ZFX: variants seen among roughly 807,000 people sequenced by gnomAD.
ZFX encodes the protein zinc finger protein X-linked, also known as zinc finger X-chromosomal protein.
For missense variants in ZFX, 362 were observed against 628.3 expected, an observed-to-expected ratio of 0.58 and a Z score of 4.53; for synonymous variants, 196 against 226.8, an observed-to-expected ratio of 0.86 and a Z score of 1.22.
At chrX:24,193,308 C>T (rs1936666493) in intron 5 of ZFX, among the ~76,000 whole-genome samples, 1 of 112,045 alleles carries the variant, frequency 8.9e-6, no homozygotes, top group South Asian at 3.7e-4. Flanking sequence ...ACCTCGAAAG[C>T]GTTATGCTTA....
At chrX:24,208,083 C>A in intron 7 of ZFX, 135 bp from the exon 8 acceptor site, 1 of 888,224 alleles carries the variant, frequency 1.1e-6, no homozygotes, top group Non-Finnish European at 1.6e-6. Flanking sequence ...GTGCTTACTA[C>A]GTGAAAGCTA....
chrX:24,177,548 C>A, intron 4 of ZFX: 1 of 251,985 alleles, frequency 4.0e-6, no homozygotes, highest in Non-Finnish European at 5.5e-6. Flanking sequence ...TACTCTCAAC[C>A]TCCACCACTC....
intron 3 of ZFX, among the ~76,000 whole-genome samples, chrX:24,159,180 C>G (rs1932999091): frequency 9.1e-6 from 1 of 110,322 alleles, no homozygotes; most frequent in African/African-American, 3.3e-5. Context: ...TTTGTAGAGA[C>G]GGTCTTGCCT....
chrX:24,210,182 T>C lies in ZFX; in HGVS notation c.1235-11T>C. On this transcript the variant is annotated splice_polypyrimidine_tract_variant and intron_variant, in intron 9 of 9. Transcript: ENST00000304543. ...TTTGAGCACTCATACTCCTTTCTTT[T>C]CCTTTTTTAGCAATAATTATTGGCC... 8.3e-7 allele frequency: 1 copy of C among 1,211,757 alleles called. No individual in the cohort carries two copies.
At chrX:24,199,954 G>C (rs1293506849) in intron 5 of ZFX, among the ~76,000 whole-genome samples, 1 of 110,683 alleles carries the variant, frequency 9.0e-6, no homozygotes, top group East Asian at 2.8e-4. Context: ...TTTTAAGCAG[G>C]GGAGAAAGAA....
intron 6 of ZFX, 94 bp from the exon 7 acceptor site, chrX:24,207,618 T>C: frequency 8.8e-7 from 1 of 1,136,614 alleles, no homozygotes; most frequent in Middle Eastern, 3.5e-4. Context: ...TACCAAAGTT[T>C]GTAAAAAGTA....
chrX:24,202,137 T>C (rs1428564069), intron 5 of ZFX, among the ~76,000 whole-genome samples: 1 of 111,916 alleles, frequency 8.9e-6, no homozygotes, highest in African/African-American at 3.2e-5. Context: ...GGATAGCATG[T>C]TTCTCTTCTA....
chrX:24,173,997 G>A (rs971922193), intron 4 of ZFX, among the ~76,000 whole-genome samples: 3 of 110,309 alleles, frequency 2.7e-5, no homozygotes, highest in African/African-American at 9.9e-5. Context: ...GATCACTTGA[G>A]GCCAGGAGTT....
chrX:24,162,519 G>C (rs1357031777), intron 3 of ZFX, among the ~76,000 whole-genome samples: 1 of 111,283 alleles, frequency 9.0e-6, no homozygotes, highest in Non-Finnish European at 1.9e-5. Context: ...TATAATAATA[G>C]TATTAATGGC....
chrX:24,206,500 C>CGT (rs774457469), intron 5 of ZFX, among the ~76,000 whole-genome samples: 3,101 of 59,557 alleles, frequency 0.052, 109 homozygotes, highest in Non-Finnish European at 0.063. Context: ...CCATGCCTGG[C>CGT]GTGTGTGTGT....
At chrX:24,169,445 A>G (rs991944705) in intron 3 of ZFX, among the ~76,000 whole-genome samples, 2 of 110,825 alleles carry the variant, frequency 1.8e-5, no homozygotes, top group Non-Finnish European at 3.8e-5. Context: ...AAATGCCTCA[A>G]TACTTGGCAC....
At chrX:24,166,242 T>G (rs1933984315) in intron 3 of ZFX, among the ~76,000 whole-genome samples, 1 of 112,257 alleles carries the variant, frequency 8.9e-6, no homozygotes, top group African/African-American at 3.2e-5. Context: ...TTGTGAAAGT[T>G]TGGACTCTTA....
intron 3 of ZFX, among the ~76,000 whole-genome samples, chrX:24,159,370 T>C (rs1398106975): frequency 1.8e-5 from 2 of 112,875 alleles, no homozygotes; most frequent in Non-Finnish European, 3.7e-5. Context: ...TCCTTTTTTA[T>C]GTAATCTTGT....
chrX:24,214,604 GGTAATATTTCAGTTCTGTGAATTTGCAA>G lies in ZFX; in HGVS notation c.*3241_*3268del, dbSNP rs2148098413. 8.9e-6 allele frequency: 1 copy of G among 112,243 alleles called. No individual in the cohort carries two copies. The highest frequency in any genetic ancestry group is 3.7e-4 in the South Asian group (1 of 2,697). The allele number at this position is 112,243 out of a possible 1,213,427, so 9.3% of individuals were successfully genotyped here. A position where few individuals can be genotyped will look rare whatever the true frequency, so the allele number is the denominator to read the frequency against. On this transcript the variant is annotated 3_prime_UTR_variant, in exon 10 of 10. Coordinates refer to ENST00000304543, the MANE Select transcript of ZFX (RefSeq NM_003410.4). ...ATTTTGTGACTCGGATGCAAATACT[GGTAATATTTCAGTTCTGTGAATTTGCAA>G]GTAATATTTCAGAGAAGTTAAGAGG... is the stretch of plus-strand genomic sequence containing the variant.
At chrX:24,198,505 G>A (rs1292687290) in intron 5 of ZFX, among the ~76,000 whole-genome samples, 2 of 107,110 alleles carry the variant, frequency 1.9e-5, no homozygotes, top group African/African-American at 6.8e-5. Flanking sequence ...TTTTTTTAGA[G>A]GGTTAAGAAC....
intron 5 of ZFX, among the ~76,000 whole-genome samples, chrX:24,186,226 C>T (rs1936101232): frequency 9.0e-6 from 1 of 111,286 alleles, no homozygotes; most frequent in Non-Finnish European, 1.9e-5. Context: ...TTAAAAATTT[C>T]AGTAAGTTAC....
chrX:24,154,914 A>T (rs899228146), intron 3 of ZFX, among the ~76,000 whole-genome samples: 1 of 111,723 alleles, frequency 9.0e-6, no homozygotes, highest in Non-Finnish European at 1.9e-5. Flanking sequence ...ATATTCTCAC[A>T]TACAGGTGGG....
In ZFX at chrX:24,179,736, C is replaced by T. The variant is rs747791373; in HGVS notation, c.612C>T (p.Asp204=). 5.8e-6 allele frequency: 7 copies of T among 1,208,126 alleles called. No homozygotes were observed. In the African/African-American group the frequency reaches 1.0e-4, roughly 18 times the overall value. The stretch of plus-strand genomic sequence containing the variant: ...TCCCTGTGGACCAGCAGGATGATGA[C>T]AAAGGCAACTGTGAGGACTACCTTA... ...NGIPVDQQDD[D]KGNCEDYLMI... Residue 204 remains aspartate (D), a synonymous_variant, in exon 5 of 10, where the codon GAC becomes GAT. Coordinates refer to ENST00000304543, the MANE Select transcript of ZFX (RefSeq NM_003410.4).
chrX:24,209,675 A>T (rs1260747782), intron 9 of ZFX, among the ~76,000 whole-genome samples: 1 of 110,983 alleles, frequency 9.0e-6, no homozygotes, highest in Non-Finnish European at 1.9e-5. Context: ...CCCTGGGTAC[A>T]GGTGGTTCTC....
Sources: gnomAD v4.1 joint callset for allele counts (sites outside exome capture counted in the v4.1 genomes callset) on GRCh38, gnomAD v4.1.1 for gene constraint, MANE v1.5 for transcripts, NCBI Gene and HGNC (gene_info 2026-07-23, HGNC 2026-07-21) for gene names.